CHSY3: variants seen among roughly 807,000 people sequenced by gnomAD.
CHSY3 encodes chondroitin sulfate synthase 3.
A neutral mutation model predicts 67.2 loss-of-function variants in CHSY3; 35 were observed. The ratio of observed to expected loss-of-function variants is 0.52; its 90% CI spans 0.40 to 0.69. The LOEUF (loss-of-function observed/expected upper bound fraction) is 0.69, where lower values mean the gene tolerates loss of function less well. CHSY3 is among the 30% of genes least tolerant of loss of function. The pLI is 0.00. For missense variants in CHSY3, 1,069 were observed against 1,138.5 expected (o/e 0.94, Z 0.88); for synonymous variants, 474 against 434.7 (o/e 1.09, Z -1.12).
rs956800658 is a variant in CHSY3, at chr5:129,930,512, G to C, written c.1086+22152G>C. 6.8e-5 allele frequency among the ~76,000 whole-genome samples: 10 copies of C among 148,014 alleles called. No individual in the cohort carries two copies. In the South Asian group the frequency reaches 1.6e-3, roughly 24 times the overall value. The stretch of plus-strand genomic sequence containing the variant: ...TTTAAAAGGAGGCATCACTGGCGGG[G>C]GGGGGGTATGAAGTTTTGCCTGGAG... On this transcript the variant is annotated intron_variant, in intron 2 of 2. Coordinates refer to ENST00000305031, the MANE Select transcript of CHSY3 (RefSeq NM_175856.5).
intron 2 of CHSY3, among the ~76,000 whole-genome samples, chr5:130,084,640 T>A (rs1766552965): frequency 6.6e-6 from 1 of 151,922 alleles, no homozygotes; most frequent in South Asian, 2.1e-4. Context: ...GAATAATTAA[T>A]CTTTTGCAGC....
At chr5:130,170,809 C>G (rs1769876446) in intron 2 of CHSY3, among the ~76,000 whole-genome samples, 1 of 148,850 alleles carries the variant, frequency 6.7e-6, no homozygotes, top group Non-Finnish European at 1.5e-5. Context: ...TTGTTCATAT[C>G]CTTTGCCCAG....
intron 2 of CHSY3, among the ~76,000 whole-genome samples, chr5:129,933,874 A>G: frequency 6.6e-6 from 1 of 152,056 alleles, no homozygotes; most frequent in Non-Finnish European, 1.5e-5. Flanking sequence ...TTCTTTAAAG[A>G]TAGTAATTTT....
intron 2 of CHSY3, among the ~76,000 whole-genome samples, chr5:129,949,323 A>G (rs551539026): frequency 1.3e-5 from 2 of 152,172 alleles, no homozygotes; most frequent in Non-Finnish European, 2.9e-5. Context: ...ATGAACAATT[A>G]TACACCAATG....
At chr5:129,940,170 A>G (rs1481762484) in intron 2 of CHSY3, among the ~76,000 whole-genome samples, 2 of 152,164 alleles carry the variant, frequency 1.3e-5, no homozygotes, top group African/African-American at 4.8e-5. Context: ...GTGTCTCTAC[A>G]CAGAGTATAA....
At chr5:130,117,196 A>G (rs989961406) in intron 2 of CHSY3, among the ~76,000 whole-genome samples, 4 of 152,184 alleles carry the variant, frequency 2.6e-5, no homozygotes, top group African/African-American at 9.7e-5. Context: ...CTGGAGCACA[A>G]GGAATTGGTG....
intron 2 of CHSY3, among the ~76,000 whole-genome samples, chr5:130,143,834 A>C: frequency 7.5e-6 from 1 of 133,198 alleles, no homozygotes; most frequent in East Asian, 2.2e-4. Context: ...ATATATATAT[A>C]TATATATATA....
At chr5:130,086,483 T>A (rs963297794) in intron 2 of CHSY3, among the ~76,000 whole-genome samples, 1 of 152,120 alleles carries the variant, frequency 6.6e-6, no homozygotes, top group Non-Finnish European at 1.5e-5. Context: ...CTCCATCGTT[T>A]TATTTTGAGC....
At chr5:129,954,050 T>A (rs571137801) in intron 2 of CHSY3, among the ~76,000 whole-genome samples, 1 of 152,348 alleles carries the variant, frequency 6.6e-6, no homozygotes, top group South Asian at 2.1e-4. Flanking sequence ...CTGAAGTCTT[T>A]GCCCATGCCT....
intron 2 of CHSY3, among the ~76,000 whole-genome samples, chr5:130,161,321 C>T (rs887345654): frequency 3.3e-5 from 5 of 152,110 alleles, no homozygotes; most frequent in African/African-American, 9.7e-5. Flanking sequence ...CTGGATTGTT[C>T]GTTCTATTCT....
chr5:129,987,343 T>A (rs887480252), intron 2 of CHSY3, among the ~76,000 whole-genome samples: 1 of 152,288 alleles, frequency 6.6e-6, no homozygotes, highest in East Asian at 1.9e-4. Context: ...TCATTTAATT[T>A]ACAGTACTAG....
At chr5:130,016,470 G>A (rs1764222068) in intron 2 of CHSY3, among the ~76,000 whole-genome samples, 1 of 152,176 alleles carries the variant, frequency 6.6e-6, no homozygotes, top group Non-Finnish European at 1.5e-5. Flanking sequence ...GGAGTGCAGT[G>A]GCACGATCTC....
chr5:129,937,430 T>C (rs1761535501), intron 2 of CHSY3, among the ~76,000 whole-genome samples: 1 of 152,164 alleles, frequency 6.6e-6, no homozygotes, highest in Non-Finnish European at 1.5e-5. Flanking sequence ...GAAATTACAA[T>C]TCAACATGAG....
At chr5:129,906,476 G>A (rs930960767) in intron 1 of CHSY3, among the ~76,000 whole-genome samples, 3 of 152,214 alleles carry the variant, frequency 2.0e-5, no homozygotes, top group African/African-American at 7.2e-5. Flanking sequence ...GCGGTGATAA[G>A]CAGAGGCTGG....
intron 2 of CHSY3, among the ~76,000 whole-genome samples, chr5:129,944,650 A>G (rs1251012996): frequency 6.6e-6 from 1 of 152,142 alleles, no homozygotes; most frequent in East Asian, 1.9e-4. Context: ...CAAATTTATT[A>G]TTTTGAACTG....
In CHSY3 at chr5:130,118,096, G is replaced by A. The variant is rs531716546; in HGVS notation, c.1087-66133G>A. On this transcript the variant is annotated intron_variant, in intron 2 of 2. Coordinates refer to ENST00000305031, the MANE Select transcript of CHSY3 (RefSeq NM_175856.5). ...CATGCCTGCTCCCTCTTCACTTTCCGCAAGCACTGGTAAGCTTCCTGAGAC... is the reference window on the plus strand; with the variant it reads ...CATGCCTGCTCCCTCTTCACTTTCCACAAGCACTGGTAAGCTTCCTGAGAC... Among the ~76,000 whole-genome samples, 19 of 152,128 alleles carry A rather than the reference G, an allele frequency of 1.2e-4. No homozygotes were observed. In the East Asian group the frequency reaches 1.7e-3, roughly 14 times the overall value.
rs535921385 is a variant in CHSY3, at chr5:130,091,869, C to CA, written c.1087-92360_1087-92359insA. Among the ~76,000 whole-genome samples the CA allele has an allele frequency of 3.2e-4, 49 of 152,302 alleles. 1 individual carries two copies. The South Asian group carries it at 0.01, about 32-fold the overall frequency. On this transcript the variant is annotated intron_variant, in intron 2 of 2. Transcript: ENST00000305031. The stretch of plus-strand genomic sequence containing the variant: ...GGTACCGCAGGCTTCATAAGGTTAA[C>CA]TAGCCTAGAGTTCAAAATGAGATTC...
At chr5:130,162,271 G>A (rs1769575377) in intron 2 of CHSY3, among the ~76,000 whole-genome samples, 1 of 151,958 alleles carries the variant, frequency 6.6e-6, no homozygotes, top group South Asian at 2.1e-4. Flanking sequence ...AATAATGTAT[G>A]ATATATAAAT....
intron 2 of CHSY3, among the ~76,000 whole-genome samples, chr5:129,910,049 A>G (rs1760480376): frequency 6.6e-6 from 1 of 152,010 alleles, no homozygotes; most frequent in African/African-American, 2.4e-5. Context: ...ACAGTAAGAT[A>G]TGCACAAAAA....
Sources: allele counts gnomAD v4.1 joint callset (sites outside exome capture counted in the v4.1 genomes callset), GRCh38; gene constraint gnomAD v4.1.1; transcripts MANE v1.5; gene names NCBI Gene and HGNC (gene_info 2026-07-23, HGNC 2026-07-21).